NGEF: variants seen among roughly 807,000 people sequenced by gnomAD.
NGEF encodes the protein neuronal guanine nucleotide exchange factor.
A neutral mutation model predicts 80.9 loss-of-function variants in NGEF; 31 were observed. The observed-to-expected ratio is 0.38, with a 90% CI of 0.29 to 0.52. NGEF has a LOEUF of 0.52. NGEF is among the 20% of genes least tolerant of loss of function. The probability of loss-of-function intolerance (pLI) is 0.84; values close to 1 mark genes in which losing one functional copy is unlikely to be tolerated. For synonymous variants in NGEF, 371 were observed against 370.2 expected, an observed-to-expected ratio of 1.00 and a Z score of -0.03; for missense variants, 709 against 926.2, an observed-to-expected ratio of 0.77 and a Z score of 3.04.
intron 1 of NGEF, among the ~76,000 whole-genome samples, chr2:233,007,094 A>C (rs1695100460): frequency 6.6e-6 from 1 of 151,990 alleles, no homozygotes; most frequent in African/African-American, 2.4e-5. Context: ...AAATACAAAA[A>C]TTAGCCAGAT....
chr2:232,955,140 T>C (rs1399706277), intron 3 of NGEF, among the ~76,000 whole-genome samples: 1 of 152,174 alleles, frequency 6.6e-6, no homozygotes, highest in East Asian at 1.9e-4. Context: ...CTTCAAGATA[T>C]TAATTGTTTT....
chr2:232,968,938 A>G (rs1356219936), intron 3 of NGEF, among the ~76,000 whole-genome samples: 1 of 152,182 alleles, frequency 6.6e-6, no homozygotes, highest in Non-Finnish European at 1.5e-5. Context: ...AGTCACCTTG[A>G]CAGATGACAG....
In NGEF at chr2:232,961,970, G is replaced by A. The variant is rs114068321; in HGVS notation, c.383+8244C>T. Among the ~76,000 whole-genome samples, 674 of 152,312 alleles carry A rather than the reference G, an allele frequency of 4.4e-3. 6 individuals are homozygous for A. The highest frequency in any genetic ancestry group is 0.015 in the African/African-American group (644 of 41,564). ...ATGGCCCCCAAGAAAAGGATAAAGC[G>A]GCTCTGGTTTTTGATGGCTTCTTCA... On this transcript the variant is annotated intron_variant, in intron 3 of 14. Transcript: ENST00000264051.
rs1691401886 is a variant in NGEF at position 232,879,243 on chromosome 2, A to G, written c.*246T>C. ...CTCGGAGGCATGAGGGAGGTGGTGTAATACTGCTGAAACCTTCTTGTTTAC... is the reference window on the plus strand; with the variant it reads ...CTCGGAGGCATGAGGGAGGTGGTGTGATACTGCTGAAACCTTCTTGTTTAC... On this transcript the variant is annotated 3_prime_UTR_variant, in exon 15 of 15. Coordinates refer to ENST00000264051, the MANE Select transcript of NGEF (RefSeq NM_019850.3). 1 of 463,990 alleles carries G rather than the reference A, an allele frequency of 2.2e-6. No homozygotes were observed. The highest frequency in any genetic ancestry group is 3.9e-6 in the Non-Finnish European group (1 of 257,592). The allele number at this position is 463,990 out of a possible 1,614,324, so 28.7% of individuals were successfully genotyped here.
At chr2:232,881,410 G>A (rs140006678) in intron 13 of NGEF, among the ~76,000 whole-genome samples, 160 bp from the exon 14 acceptor site, 37 of 152,312 alleles carry the variant, frequency 2.4e-4, no homozygotes, top group Non-Finnish European at 4.1e-4. Context: ...CATAGAAAAC[G>A]TTATTAACAT....
chr2:232,988,356 C>T (rs76608444), intron 1 of NGEF, among the ~76,000 whole-genome samples: 271 of 152,238 alleles, frequency 1.8e-3, no homozygotes, highest in Admixed American at 2.0e-3. Context: ...TACAAATCAC[C>T]CTTAAAATCT....
chr2:232,971,837 C>T (rs1024434959), intron 2 of NGEF, among the ~76,000 whole-genome samples: 8 of 152,152 alleles, frequency 5.3e-5, no homozygotes, highest in African/African-American at 1.9e-4. Context: ...CTTTCCCCAG[C>T]GGCCCTCTTG....
intron 3 of NGEF, among the ~76,000 whole-genome samples, chr2:232,960,343 A>T (rs1693921778): frequency 6.6e-6 from 1 of 152,232 alleles, no homozygotes; most frequent in African/African-American, 2.4e-5. Context: ...AAGTCCCAAC[A>T]CAATACCTGA....
chr2:232,945,840 A>C (rs1693545434), intron 3 of NGEF, among the ~76,000 whole-genome samples: 1 of 144,064 alleles, frequency 6.9e-6, no homozygotes, highest in South Asian at 2.3e-4. Context: ...TGTAGAATAG[A>C]GCAATGTCTC....
At position 232,920,224 on chromosome 2, in the gene NGEF, C is replaced by T. The variant is rs377343540; in HGVS notation, c.828+60G>A. 79 of 1,531,698 alleles carry T rather than the reference C, an allele frequency of 5.2e-5. No homozygotes were observed. The Middle Eastern group carries it at 1.9e-3, about 37-fold the overall frequency. The allele number at this position is 1,531,698 out of a possible 1,614,324, so 94.9% of individuals were successfully genotyped here. On this transcript the variant is annotated intron_variant, in intron 5 of 14. Transcript: ENST00000264051. ...CACCCCCCAGAGGAAGCCTCACCCC[C>T]AGCAGTGAGGGCCACCCCGGTGTGC...
chr2:232,964,566 T>A (rs1574640897), intron 3 of NGEF, among the ~76,000 whole-genome samples: 1 of 152,136 alleles, frequency 6.6e-6, no homozygotes, highest in African/African-American at 2.4e-5. Context: ...TAGTGACAGG[T>A]GCCTGTAATC....
chr2:232,910,420 G>T (rs57833679), intron 5 of NGEF, among the ~76,000 whole-genome samples: 1 of 143,126 alleles, frequency 7.0e-6, no homozygotes, highest in Admixed American at 6.9e-5. Flanking sequence ...TTGCTTACCC[G>T]CCACTCACCT....
chr2:232,934,330 G>A (rs1693283596), intron 3 of NGEF, among the ~76,000 whole-genome samples: 1 of 150,916 alleles, frequency 6.6e-6, no homozygotes, highest in African/African-American at 2.4e-5. Flanking sequence ...CACTGTCCCT[G>A]AATTTGATGT....
At chr2:232,934,671 A>G (rs1184164942) in intron 3 of NGEF, among the ~76,000 whole-genome samples, 1 of 152,154 alleles carries the variant, frequency 6.6e-6, no homozygotes, top group Non-Finnish European at 1.5e-5. Flanking sequence ...TATTTCAAAT[A>G]TTTATACCTG....
chr2:232,885,556 C>T (rs969705122), intron 9 of NGEF, 187 bp from the exon 10 acceptor site: 2 of 588,406 alleles, frequency 3.4e-6, no homozygotes, highest in Non-Finnish European at 6.1e-6. Flanking sequence ...GGGGCAAAGG[C>T]AAGTGGGAAA....
In NGEF at chr2:232,935,474, C is replaced by T. The variant is rs549894782; in HGVS notation, c.384-8288G>A. Among the ~76,000 whole-genome samples, 145 of 152,184 alleles carry T rather than the reference C, an allele frequency of 9.5e-4. 2 individuals are homozygous for T. In the South Asian group the frequency reaches 0.022, roughly 23 times the overall value. On this transcript the variant is annotated intron_variant, in intron 3 of 14. Coordinates refer to ENST00000264051, the MANE Select transcript of NGEF (RefSeq NM_019850.3). Reference sequence around the variant, plus strand: ...CTCTACTAAAAATACAATAATTAGCCGGGTGTGGTGGCACATGCCTGTAAT... The same window carrying T: ...CTCTACTAAAAATACAATAATTAGCTGGGTGTGGTGGCACATGCCTGTAAT...
chr2:232,950,703 AG>A (rs1693660451), intron 3 of NGEF, among the ~76,000 whole-genome samples: 1 of 152,182 alleles, frequency 6.6e-6, no homozygotes, highest in Non-Finnish European at 1.5e-5. Flanking sequence ...GGGAGCAAGA[AG>A]GCTCCTCAGT....
At chr2:233,003,160 G>A (rs1197321427) in intron 1 of NGEF, among the ~76,000 whole-genome samples, 1 of 152,174 alleles carries the variant, frequency 6.6e-6, no homozygotes, top group Non-Finnish European at 1.5e-5. Context: ...AACCCTCCCG[G>A]GAGGTGGCGG....
At chr2:232,943,242 A>G (rs2106298558) in intron 3 of NGEF, among the ~76,000 whole-genome samples, 1 of 149,538 alleles carries the variant, frequency 6.7e-6, no homozygotes, top group East Asian at 1.9e-4. Context: ...TTTGTTCTTA[A>G]AAAAAAAAAG....
Sources: gnomAD v4.1 joint callset for allele counts (sites outside exome capture counted in the v4.1 genomes callset) on GRCh38, gnomAD v4.1.1 for gene constraint, MANE v1.5 for transcripts, NCBI Gene and HGNC (gene_info 2026-07-23, HGNC 2026-07-21) for gene names.